Variants in PALM observed in about 807,000 individuals in gnomAD.
The protein encoded by PALM is paralemmin-1.
Under a neutral mutation model 30.7 loss-of-function variants are expected in PALM, and 18 were observed. The ratio of observed to expected loss-of-function variants is 0.59; its 90% CI spans 0.41 to 0.87. The LOEUF (loss-of-function observed/expected upper bound fraction) is 0.87, where lower values mean the gene tolerates loss of function less well. Among genes scored for constraint, PALM ranks in the 40% least tolerant of loss-of-function variants. The pLI is 0.00. For missense variants in PALM, 529 were observed against 555.4 expected (o/e 0.95, Z 0.48); for synonymous variants, 286 against 242.8 (o/e 1.18, Z -1.66).
At chr19:735,301 T>C (rs113301805) in intron 6 of PALM, among the ~76,000 whole-genome samples, 47 of 124,502 alleles carry the variant, frequency 3.8e-4, no homozygotes, top group South Asian at 8.3e-4. Context: ...GCCCAGGTGC[T>C]TGTCTGGATG....
chr19:721,909 A>T (rs72980208), intron 1 of PALM, among the ~76,000 whole-genome samples: 3,383 of 135,736 alleles, frequency 0.025, 65 homozygotes, highest in East Asian at 0.075. Flanking sequence ...ATTTTTAAAA[A>T]TTTTCATTTT....
chr19:740,281 C>T (rs1189790728), intron 7 of PALM, 71 bp from the exon 8 acceptor site: 10 of 1,462,332 alleles, frequency 6.8e-6, no homozygotes, highest in Non-Finnish European at 9.2e-6. Flanking sequence ...CCCTCCCTGG[C>T]TTGGCCGCAG....
At position 718,853 on chromosome 19, in the gene PALM, C is replaced by T. The variant is rs773417326; in HGVS notation, c.6-7285C>T. The stretch of plus-strand genomic sequence containing the variant: ...GGGGCTGACATTGGGGCTTGGACTC[C>T]GGGGCTTGGAGCAGGGCAGGGCGGT... On this transcript the variant is annotated intron_variant, in intron 1 of 8. Transcript: ENST00000338448. Among the ~76,000 whole-genome samples, 99 of 152,034 alleles carry T rather than the reference C, an allele frequency of 6.5e-4. 1 individual carries two copies. Among genetic ancestry groups the T allele is most frequent in the Admixed American group, 1.0e-3 (16 of 15,260 alleles).
chr19:746,428 G>A lies in PALM; in HGVS notation c.778G>A (p.Val260Met). The A allele has an allele frequency of 3.1e-6, 5 of 1,611,038 alleles. No homozygotes were observed. The highest frequency in any genetic ancestry group is 3.4e-6 in the Non-Finnish European group (4 of 1,178,920). Residue 260 changes from valine (V) to methionine (M), a missense_variant, in exon 9 of 9, where the codon GTG becomes ATG. Transcript: ENST00000338448. The surrounding 1 kb of genome is among the most constrained non-coding windows in gnomAD (Gnocchi z 7.1). Reference protein sequence around the residue: ...TAGAAETRGAVEGAARTTPSR... With the variant: ...TAGAAETRGAMEGAARTTPSR... ...CGGGGCGGCAGAGACCCGGGGGGCT[G>A]TGGAGGGGGCAGCCCGGACCACGCC...
In PALM at chr19:726,992, C is replaced by T. The variant is rs2144880310; in HGVS notation, c.58-16C>T. The T allele has an allele frequency of 7.6e-7, 1 of 1,309,490 alleles. No homozygotes were observed. Among genetic ancestry groups the T allele is most frequent in the Non-Finnish European group, 1.1e-6 (1 of 937,900 alleles). 81.1% of individuals were successfully genotyped at this position (1,309,490 alleles called of 1,614,324 possible). A position where few individuals can be genotyped will look rare whatever the true frequency, so the allele number is the denominator to read the frequency against. The stretch of plus-strand genomic sequence containing the variant: ...CCCCCACGCCCATCCCTGACCCCAC[C>T]CGGCCCTCCCCACAGGAGAAGCGGA... On this transcript the variant is annotated splice_polypyrimidine_tract_variant and intron_variant, in intron 2 of 8. Coordinates refer to ENST00000338448, the MANE Select transcript of PALM (RefSeq NM_002579.3).
In PALM at chr19:709,912, G is replaced by GTGT. The variant is rs1555686475; in HGVS notation, c.5+761_5+762insTGT. On this transcript the variant is annotated intron_variant, in intron 1 of 8. Coordinates refer to ENST00000338448, the MANE Select transcript of PALM (RefSeq NM_002579.3). This position sits in a 1 kb window ranked among gnomAD's most constrained non-coding sequence, Gnocchi z 4.3. ...CCCGCATGGCTGCGCCTGTGTGTGT[G>GTGT]GGGGGGGGGTGGCCAGTGGAGGCAC... Among the ~76,000 whole-genome samples the GTGT allele has an allele frequency of 6.4e-5, 8 of 125,156 alleles. No homozygotes were observed. Among genetic ancestry groups the GTGT allele is most frequent in the African/African-American group, 1.2e-4 (4 of 33,426 alleles). The allele number at this position is 125,156 out of a possible 152,430, so 82.1% of individuals were successfully genotyped here.
intron 6 of PALM, chr19:734,786 C>A (rs575820473): frequency 1.3e-5 from 2 of 157,316 alleles, no homozygotes; most frequent in East Asian, 1.9e-4. Flanking sequence ...GAGCTGTGAT[C>A]GCACCACTGC....
intron 6 of PALM, chr19:734,453 A>G: frequency 2.0e-6 from 1 of 503,004 alleles, no homozygotes. Context: ...TAATCCCAGC[A>G]CTTTGGGAGG....
rs150074864 is a variant in PALM, at chr19:711,242, C to T, written c.5+2091C>T. The T allele has an allele frequency of 4.4e-4, 413 of 934,100 alleles. 3 individuals carry two copies. In the African/African-American group the frequency reaches 7.0e-3, roughly 16 times the overall value. The allele number at this position is 934,100 out of a possible 1,614,324, so 57.9% of individuals were successfully genotyped here. On this transcript the variant is annotated intron_variant, in intron 1 of 8. Transcript: ENST00000338448. ...AAGGAGCTGGGGAGAATCTCTGCTTCGGAGAGAATCTCTGTGCTCTGGGAG... is the reference window on the plus strand; with the variant it reads ...AAGGAGCTGGGGAGAATCTCTGCTTTGGAGAGAATCTCTGTGCTCTGGGAG...
rs907390224 is a variant in PALM, at chr19:720,024, C to A, written c.6-6114C>A. Among the ~76,000 whole-genome samples the A allele has an allele frequency of 2.0e-5, 3 of 151,782 alleles. No homozygotes were observed. In the East Asian group the frequency reaches 5.8e-4, roughly 30 times the overall value. On this transcript the variant is annotated intron_variant, in intron 1 of 8. Coordinates refer to ENST00000338448, the MANE Select transcript of PALM (RefSeq NM_002579.3). The stretch of plus-strand genomic sequence containing the variant: ...GGTCCACACCCCTCCCGGATGGAAG[C>A]CCCTTCCTGGGCGGGCGCCCCCCGG...
At chr19:739,984 C>T (rs909045131) in intron 7 of PALM, among the ~76,000 whole-genome samples, 5 of 152,120 alleles carry the variant, frequency 3.3e-5, no homozygotes, top group East Asian at 1.9e-4. Context: ...TAAAAAGATC[C>T]GGGAACAATG....
chr19:718,512 C>G (rs892554701), intron 1 of PALM, among the ~76,000 whole-genome samples: 2 of 152,148 alleles, frequency 1.3e-5, no homozygotes, highest in African/African-American at 2.4e-5. Flanking sequence ...GCCTCACTGC[C>G]CCGTCTTCCC....
At chr19:726,290 A>G (rs2032660138) in intron 2 of PALM, 101 bp downstream of exon 2, 4 of 913,964 alleles carry the variant, frequency 4.4e-6, no homozygotes, top group South Asian at 4.3e-5. Flanking sequence ...GAACCAGGGC[A>G]TGGTGGGTGG....
intron 5 of PALM, 117 bp from the exon 6 acceptor site, chr19:734,056 G>A (rs906430343): frequency 1.5e-5 from 12 of 819,650 alleles, no homozygotes; most frequent in South Asian, 7.2e-5. Flanking sequence ...GATGAGAAGC[G>A]GGTGCGTATG....
Position 726,984 on chromosome 19 carries a change from GACCCCACC to G in PALM, c.58-23_58-16del. On this transcript the variant is annotated splice_polypyrimidine_tract_variant and intron_variant, in intron 2 of 8. Transcript: ENST00000338448. ...CTCCGGGACCCCCACGCCCATCCCT[GACCCCACC>G]CGGCCCTCCCCACAGGAGAAGCGGA... is the stretch of plus-strand genomic sequence containing the variant. The G allele has an allele frequency of 8.5e-7, 1 of 1,183,056 alleles. No homozygotes were observed. The allele number at this position is 1,183,056 out of a possible 1,614,324, so 73.3% of individuals were successfully genotyped here. A position where few individuals can be genotyped will look rare whatever the true frequency, so the allele number is the denominator to read the frequency against.
Position 708,973 on chromosome 19 carries a change from G to A in PALM, c.-174G>A, listed in dbSNP as rs1003671468. ...CCCGGACAATAAACAGCAGCTTTGCGCGGGGCGATGCCCGAGCCGGTGCCG... is the reference window on the plus strand; with the variant it reads ...CCCGGACAATAAACAGCAGCTTTGCACGGGGCGATGCCCGAGCCGGTGCCG... On this transcript the variant is annotated 5_prime_UTR_variant, in exon 1 of 9. Coordinates refer to ENST00000338448, the MANE Select transcript of PALM (RefSeq NM_002579.3). The A allele has an allele frequency of 2.0e-5, 3 of 147,504 alleles. No homozygotes were observed. Among genetic ancestry groups the A allele is most frequent in the Non-Finnish European group, 3.0e-5 (2 of 66,490 alleles). The allele number at this position is 147,504 out of a possible 1,614,324, so 9.1% of individuals were successfully genotyped here.
At position 740,490 on chromosome 19, in the gene PALM, G is replaced by A. The variant is rs370248435; in HGVS notation, c.634+7G>A. ...TACGAGGACGAGACCAAAGGTACGA[G>A]CACCCCGGCCCCTGCCCTCCCTCCA... On this transcript the variant is annotated splice_region_variant and intron_variant, in intron 8 of 8. Coordinates refer to ENST00000338448, the MANE Select transcript of PALM (RefSeq NM_002579.3). 449 of 1,548,944 alleles carry A rather than the reference G, an allele frequency of 2.9e-4. 2 individuals carry two copies. The highest frequency in any genetic ancestry group is 3.0e-4 in the Admixed American group (15 of 50,830).
chr19:742,206 T>C lies in PALM; in HGVS notation c.634+1723T>C, dbSNP rs1343550309. 6.6e-6 allele frequency among the ~76,000 whole-genome samples: 1 copy of C among 152,090 alleles called. No individual in the cohort carries two copies. The highest frequency in any genetic ancestry group is 1.5e-5 in the Non-Finnish European group (1 of 68,010). ...CCCATCCCCATCAGCTGTCACTTCCTGTCCCCTCCCCAGTCAGCGTCACTC... is the reference window on the plus strand; with the variant it reads ...CCCATCCCCATCAGCTGTCACTTCCCGTCCCCTCCCCAGTCAGCGTCACTC... On this transcript the variant is annotated intron_variant, in intron 8 of 8. Coordinates refer to ENST00000338448, the MANE Select transcript of PALM (RefSeq NM_002579.3). The surrounding 1 kb of genome is among the most constrained non-coding windows in gnomAD (Gnocchi z 5.5).
At chr19:716,289 T>C (rs1374402991) in intron 1 of PALM, among the ~76,000 whole-genome samples, 1 of 152,044 alleles carries the variant, frequency 6.6e-6, no homozygotes, top group African/African-American at 2.4e-5. Context: ...GGCAGGTGCC[T>C]GTAATCCCAG....
Sources: allele counts gnomAD v4.1 joint callset (sites outside exome capture counted in the v4.1 genomes callset), GRCh38; gene constraint gnomAD v4.1.1; non-coding constraint Gnocchi (gnomAD v3.1); transcripts MANE v1.5; gene names NCBI Gene and HGNC (gene_info 2026-07-23, HGNC 2026-07-21).